ISL2: variants seen among roughly 807,000 people sequenced by gnomAD.
ISL2 encodes the protein ISL LIM homeobox 2.
ISL2 carries 17 observed loss-of-function variants against 34.6 expected under a neutral mutation model. The ratio of observed to expected loss-of-function variants is 0.49; its 90% confidence interval spans 0.34 to 0.74. ISL2 has a LOEUF of 0.74. ISL2 is among the 30% of genes least tolerant of loss of function. The pLI is 0.01. For missense variants in ISL2, 469 were observed against 515.2 expected (o/e 0.91, Z 0.87); for synonymous variants, 232 against 225.5 (o/e 1.03, Z -0.26).
chr15:76,338,686 A>G (rs4489970), intron 3 of ISL2, 172 bp downstream of exon 3: 868,234 of 985,334 alleles, frequency 0.88, 384,401 homozygotes, highest in South Asian at 0.93. Flanking sequence ...GGCTGTGTGT[A>G]TTCTCGTGTG....
intron 1 of ISL2, among the ~76,000 whole-genome samples, chr15:76,337,230 GTT>G (rs11439488): frequency 6.9e-6 from 1 of 145,406 alleles, no homozygotes. Flanking sequence ...AGGGATGTGG[GTT>G]TTTTTTTTTT....
chr15:76,340,676 G>A, intron 4 of ISL2, 117 bp downstream of exon 4: 1 of 888,418 alleles, frequency 1.1e-6, no homozygotes, highest in South Asian at 1.7e-5. Context: ...GGGCGCTCCA[G>A]ATGGTGTATG....
At position 76,338,315 on chromosome 15, in the gene ISL2, G is replaced by A. The variant is rs1257749447; in HGVS notation, c.312G>A (p.Arg104=). 2 of 1,584,356 alleles carry A rather than the reference G, an allele frequency of 1.3e-6. No homozygotes were observed. The highest frequency in any genetic ancestry group is 2.4e-5 in the East Asian group (1 of 42,184). Residue 104 remains arginine, a synonymous_variant, in exon 3 of 6, where the codon AGG becomes AGA. Coordinates refer to ENST00000290759, the MANE Select transcript of ISL2 (RefSeq NM_145805.3). ...VGFSSSDLVM[R]ARDSVYHIEC... ...TCAGCAGCAGCGACCTGGTGATGAG[G>A]GCGCGGGACAGCGTGTACCACATCG...
chr15:76,338,673 C>A (rs751718098), intron 3 of ISL2, 159 bp downstream of exon 3: 1 of 985,328 alleles, frequency 1.0e-6, no homozygotes, highest in Middle Eastern at 5.2e-4. Context: ...GTGCTGGGAA[C>A]AAGGCTGTGT....
At position 76,337,963 on chromosome 15, in the gene ISL2, G is replaced by C. The variant is rs753182811; in HGVS notation, c.244G>C (p.Val82Leu). The C allele has an allele frequency of 1.3e-6, 2 of 1,576,304 alleles. No homozygotes were observed. Among genetic ancestry groups the C allele is most frequent in the Admixed American group, 1.8e-5 (1 of 56,020 alleles). Residue 82 changes from valine (V) to leucine (L), a missense_variant, in exon 2 of 6, where the codon GTC (valine) becomes CTC (leucine). By Grantham distance (32) the Val-to-Leu change is conservative. Transcript: ENST00000290759. ...DGKTYCKRDY[V>L]RLFGIKCAKC... Reference sequence around the variant, plus strand: ...GAAGACCTACTGCAAGCGGGACTATGTCAGGTGAGGCCGGCGGGAACGCGG... The same window carrying C: ...GAAGACCTACTGCAAGCGGGACTATCTCAGGTGAGGCCGGCGGGAACGCGG...
At position 76,337,076 on chromosome 15, in the gene ISL2, A is replaced by C. The variant is rs1377392953; in HGVS notation, c.58+135A>C. The C allele has an allele frequency of 5.8e-5, 44 of 755,602 alleles. No homozygotes were observed. The South Asian group carries it at 6.4e-4, about 11-fold the overall frequency. 46.8% of individuals were successfully genotyped at this position (755,602 alleles called of 1,614,324 possible). A position where few individuals can be genotyped will look rare whatever the true frequency, so the allele number is the denominator to read the frequency against. Reference sequence around the variant, plus strand: ...AGAATAGTTTAGGAGAGGAAAAACGAATGCATGTCTCCTGCAGGACTGCTT... The same window carrying C: ...AGAATAGTTTAGGAGAGGAAAAACGCATGCATGTCTCCTGCAGGACTGCTT... On this transcript the variant is annotated intron_variant, in intron 1 of 5. Transcript: ENST00000290759.
chr15:76,336,987 T>C (rs1353973114), intron 1 of ISL2, 46 bp downstream of exon 1: 3 of 1,514,458 alleles, frequency 2.0e-6, no homozygotes, highest in South Asian at 2.3e-5. Flanking sequence ...TGTGTATGCT[T>C]AATATGCAAA....
rs1365075568 is a variant in ISL2, at chr15:76,336,825, C to A, written c.-59C>A. ...TAGTTAGCAAAGAGCCGAGGCCGGG[C>A]GCGCGACCCTCGTCCTTCTGCCCCT... On this transcript the variant is annotated 5_prime_UTR_variant, in exon 1 of 6. Transcript: ENST00000290759. 3 of 1,482,632 alleles carry A rather than the reference C, an allele frequency of 2.0e-6. No individual in the cohort carries two copies. The highest frequency in any genetic ancestry group is 4.5e-5 in the East Asian group (2 of 44,252). 91.8% of individuals were successfully genotyped at this position (1,482,632 alleles called of 1,614,324 possible).
At position 76,340,258 on chromosome 15, in the gene ISL2, C is replaced by G; in HGVS notation, c.512-18C>G. 6.3e-7 allele frequency: 1 copy of G among 1,578,496 alleles called. No individual in the cohort carries two copies. The highest frequency in any genetic ancestry group is 8.6e-7 in the Non-Finnish European group (1 of 1,165,468). On this transcript the variant is annotated intron_variant, in intron 3 of 5. Coordinates refer to ENST00000290759, the MANE Select transcript of ISL2 (RefSeq NM_145805.3). ...TGGCGGCCCCTCGCTAACCTCTGGC[C>G]TCACCCTGTCCTGGCAGACGCTGGG...
At position 76,341,934 on chromosome 15, in the gene ISL2, G is replaced by C; in HGVS notation, c.*99G>C. 1.2e-6 allele frequency: 1 copy of C among 802,812 alleles called. No homozygotes were observed. Among genetic ancestry groups the C allele is most frequent in the South Asian group, 1.4e-5 (1 of 70,682 alleles). The allele number at this position is 802,812 out of a possible 1,614,324, so 49.7% of individuals were successfully genotyped here. A position where few individuals can be genotyped will look rare whatever the true frequency, so the allele number is the denominator to read the frequency against. ...CAGTTCCGAAAGCTCTCTCGCCTTCGTAATTATTCTATTGTTATTTATGAG... is the reference window on the plus strand; with the variant it reads ...CAGTTCCGAAAGCTCTCTCGCCTTCCTAATTATTCTATTGTTATTTATGAG... On this transcript the variant is annotated 3_prime_UTR_variant, in exon 6 of 6. Coordinates refer to ENST00000290759, the MANE Select transcript of ISL2 (RefSeq NM_145805.3).
chr15:76,340,579 G>C lies in ISL2; in HGVS notation c.795+20G>C, dbSNP rs776179633. 3 of 1,592,806 alleles carry C rather than the reference G, an allele frequency of 1.9e-6. No homozygotes were observed. The highest frequency in any genetic ancestry group is 2.2e-5 in the East Asian group (1 of 44,592). On this transcript the variant is annotated intron_variant, in intron 4 of 5. Transcript: ENST00000290759. ...AAGACGGTGAGCAGCCGCTGGGCCG[G>C]AGGCTCGAGTCGGGTGGGGGCTGCG...
At chr15:76,340,093 A>C (rs1297281861) in intron 3 of ISL2, 183 bp from the exon 4 acceptor site, 1 of 1,410,204 alleles carries the variant, frequency 7.1e-7, no homozygotes, top group East Asian at 2.6e-5. Context: ...AGAAAGAACG[A>C]AAATGCACAG....
chr15:76,341,335 A>G (rs1243909118), intron 5 of ISL2, 34 bp downstream of exon 5: 1 of 1,557,412 alleles, frequency 6.4e-7, no homozygotes, highest in South Asian at 1.2e-5. Context: ...CGACCTCGGG[A>G]CTCTGCGGGT....
In ISL2 at chr15:76,340,577, C is replaced by T. The variant is rs552329032; in HGVS notation, c.795+18C>T. ...ACAAGACGGTGAGCAGCCGCTGGGCCGGAGGCTCGAGTCGGGTGGGGGCTG... is the reference window on the plus strand; with the variant it reads ...ACAAGACGGTGAGCAGCCGCTGGGCTGGAGGCTCGAGTCGGGTGGGGGCTG... On this transcript the variant is annotated intron_variant, in intron 4 of 5. Coordinates refer to ENST00000290759, the MANE Select transcript of ISL2 (RefSeq NM_145805.3). 5 of 1,592,672 alleles carry T rather than the reference C, an allele frequency of 3.1e-6. No homozygotes were observed. The highest frequency in any genetic ancestry group is 1.7e-5 in the Admixed American group (1 of 58,958).
At position 76,341,119 on chromosome 15, in the gene ISL2, C is replaced by T; in HGVS notation, c.796-15C>T. The T allele has an allele frequency of 6.5e-7, 1 of 1,544,876 alleles. No individual in the cohort carries two copies. The highest frequency in any genetic ancestry group is 8.7e-7 in the Non-Finnish European group (1 of 1,145,892). ...ACCTAACTCGAGCACCTACTGCCTT[C>T]TGCTTGCCCCGCAGAGCCTTCAGGG... On this transcript the variant is annotated splice_polypyrimidine_tract_variant and intron_variant, in intron 4 of 5. Transcript: ENST00000290759.
At chr15:76,336,965 G>T in intron 1 of ISL2, 24 bp downstream of exon 1, 1 of 1,590,352 alleles carries the variant, frequency 6.3e-7, no homozygotes, top group Non-Finnish European at 8.6e-7. Context: ...TGTGTGTGTG[G>T]GGTGGGGTGT....
At chr15:76,338,651 G>A in intron 3 of ISL2, 137 bp downstream of exon 3, 2 of 1,229,938 alleles carry the variant, frequency 1.6e-6, no homozygotes, top group Non-Finnish European at 1.0e-6. Context: ...TTCTGTATCA[G>A]TGCGGAACTG....
rs377278636 is a variant in ISL2 at position 76,341,336 on chromosome 15, C to T, written c.963+35C>T. 1.5e-5 allele frequency: 24 copies of T among 1,556,784 alleles called. No individual in the cohort carries two copies. The African/African-American group carries it at 2.7e-4, about 18-fold the overall frequency. ...TGCCCTACCCGCCCCGACCTCGGGA[C>T]TCTGCGGGTTGGGGATTTAGCCACT... On this transcript the variant is annotated intron_variant, in intron 5 of 5. Coordinates refer to ENST00000290759, the MANE Select transcript of ISL2 (RefSeq NM_145805.3).
chr15:76,338,718 ATGAG>A (rs1356745502), intron 3 of ISL2: 1 of 985,286 alleles, frequency 1.0e-6, no homozygotes, highest in African/African-American at 1.7e-5. Flanking sequence ...CTGCGTGTGT[ATGAG>A]TGTGTGAGCA....
Sources: gnomAD v4.1 joint callset for allele counts (sites outside exome capture counted in the v4.1 genomes callset) on GRCh38, gnomAD v4.1.1 for gene constraint, MANE v1.5 for transcripts, NCBI Gene and HGNC (gene_info 2026-07-23, HGNC 2026-07-21) for gene names.